CFAP44: variants seen among roughly 807,000 people sequenced by gnomAD.
CFAP44 encodes cilia- and flagella-associated protein 44.
Under a neutral mutation model 216.2 loss-of-function variants are expected in CFAP44, and 134 were observed. The ratio of observed to expected loss-of-function variants is 0.62; its 90% CI spans 0.54 to 0.72. The LOEUF is 0.72. Ranked by LOEUF, CFAP44 falls within the 30% of genes least tolerant of loss-of-function variation. CFAP44 has a pLI of 0.00. For synonymous variants in CFAP44, 700 were observed against 727.6 expected (o/e 0.96, Z 0.61); for missense variants, 2,035 against 2,182.1 (o/e 0.93, Z 1.34).
At chr3:113,379,052 A>C (rs1369987184) in intron 17 of CFAP44, among the ~76,000 whole-genome samples, 3 of 152,162 alleles carry the variant, frequency 2.0e-5, no homozygotes, top group African/African-American at 7.2e-5. Context: ...GATAATCTAT[A>C]ATCTATAGAT....
chr3:113,343,810 G>T (rs1950357054), intron 23 of CFAP44, among the ~76,000 whole-genome samples: 1 of 152,144 alleles, frequency 6.6e-6, no homozygotes, highest in Non-Finnish European at 1.5e-5. Context: ...GAAGCAAAAA[G>T]GAGACATTAA....
chr3:113,385,442 G>A (rs536482289), intron 15 of CFAP44, among the ~76,000 whole-genome samples: 3 of 152,308 alleles, frequency 2.0e-5, no homozygotes, highest in Non-Finnish European at 2.9e-5. Context: ...CTCAAAGAAA[G>A]AGAGTTTATA....
chr3:113,410,512 T>C, intron 6 of CFAP44, among the ~76,000 whole-genome samples: 1 of 152,278 alleles, frequency 6.6e-6, no homozygotes, highest in African/African-American at 2.4e-5. Context: ...TATTCCATGG[T>C]TATATGTGCC....
intron 15 of CFAP44, among the ~76,000 whole-genome samples, chr3:113,384,082 G>A (rs529565125): frequency 7.3e-5 from 11 of 151,040 alleles, no homozygotes; most frequent in Non-Finnish European, 8.8e-5. Flanking sequence ...CTTCTGAGAC[G>A]GAGTCTTGCT....
At chr3:113,316,601 G>A (rs1268276340) in intron 28 of CFAP44, among the ~76,000 whole-genome samples, 1 of 152,316 alleles carries the variant, frequency 6.6e-6, no homozygotes, top group African/African-American at 2.4e-5. Flanking sequence ...GGCTGTAGTG[G>A]CTCACGCCTG....
intron 27 of CFAP44, among the ~76,000 whole-genome samples, chr3:113,327,284 A>T (rs1338355586): frequency 6.6e-6 from 1 of 152,182 alleles, no homozygotes; most frequent in Non-Finnish European, 1.5e-5. Context: ...ACTCAATTTT[A>T]TATCATAGCT....
intron 24 of CFAP44, among the ~76,000 whole-genome samples, chr3:113,341,225 C>T (rs1278099786): frequency 6.6e-6 from 1 of 151,998 alleles, no homozygotes; most frequent in African/African-American, 2.4e-5. Flanking sequence ...CACCTAGGTC[C>T]GTGGGGATGG....
intron 26 of CFAP44, 129 bp from the exon 27 acceptor site, chr3:113,327,948 G>A: frequency 1.3e-6 from 1 of 763,398 alleles, no homozygotes; most frequent in Non-Finnish European, 2.0e-6. Context: ...TTGTGTGTGT[G>A]TGTATAGTCA....
At chr3:113,369,600 G>A (rs1040966547) in intron 18 of CFAP44, among the ~76,000 whole-genome samples, 14 of 152,186 alleles carry the variant, frequency 9.2e-5, no homozygotes, top group Admixed American at 2.6e-4. Context: ...GAAATTTATA[G>A]CACTAAATGC....
intron 15 of CFAP44, among the ~76,000 whole-genome samples, chr3:113,387,139 C>T (rs1228685476): frequency 6.6e-6 from 1 of 152,168 alleles, no homozygotes; most frequent in Non-Finnish European, 1.5e-5. Context: ...CTAGACAAGT[C>T]CTGGTGCTGT....
chr3:113,441,115 C>A (rs564691544), intron 1 of CFAP44, among the ~76,000 whole-genome samples: 3 of 152,226 alleles, frequency 2.0e-5, no homozygotes, highest in Non-Finnish European at 4.4e-5. Flanking sequence ...CAGCTGAGCG[C>A]AGGGCAGGTG....
intron 21 of CFAP44, 129 bp downstream of exon 21, chr3:113,363,016 A>G (rs1383422425): frequency 7.2e-6 from 10 of 1,385,424 alleles, no homozygotes; most frequent in African/African-American, 1.5e-5. Context: ...ATAAATGGCT[A>G]TTGAAATTTT....
At chr3:113,366,371 C>T in intron 18 of CFAP44, 62 bp from the exon 19 acceptor site, 1 of 1,541,524 alleles carries the variant, frequency 6.5e-7, no homozygotes, top group South Asian at 1.3e-5. Flanking sequence ...TTAATTTCAA[C>T]TTAATTGACA....
chr3:113,369,748 T>C (rs1001682240), intron 18 of CFAP44, among the ~76,000 whole-genome samples: 4 of 150,748 alleles, frequency 2.7e-5, no homozygotes, highest in African/African-American at 4.9e-5. Context: ...CTGAAGGAGA[T>C]AGAGACAAAA....
At chr3:113,345,404 T>C (rs1950371827) in intron 22 of CFAP44, among the ~76,000 whole-genome samples, 1 of 152,118 alleles carries the variant, frequency 6.6e-6, no homozygotes, top group Non-Finnish European at 1.5e-5. Flanking sequence ...TGTATATATA[T>C]GTGTGTGTTT....
intron 23 of CFAP44, among the ~76,000 whole-genome samples, chr3:113,342,493 A>G (rs7630301): frequency 1.3e-5 from 2 of 151,998 alleles, no homozygotes; most frequent in African/African-American, 4.8e-5. Context: ...AAGATATATA[A>G]TAAACAATTA....
At chr3:113,369,100 A>G (rs1933058490) in intron 18 of CFAP44, among the ~76,000 whole-genome samples, 1 of 152,192 alleles carries the variant, frequency 6.6e-6, no homozygotes, top group Non-Finnish European at 1.5e-5. Flanking sequence ...ATCCTTAGAA[A>G]CCTACAAAGA....
intron 6 of CFAP44, 119 bp from the exon 7 acceptor site, chr3:113,409,441 T>C: frequency 1.2e-6 from 1 of 834,296 alleles, no homozygotes; most frequent in Non-Finnish European, 1.8e-6. Flanking sequence ...AAGAATACCC[T>C]AAAGGAACAA....
At chr3:113,387,724 A>G (rs1933686847) in intron 15 of CFAP44, among the ~76,000 whole-genome samples, 2 of 152,024 alleles carry the variant, frequency 1.3e-5, no homozygotes, top group Non-Finnish European at 2.9e-5. Flanking sequence ...GGCACAGTGG[A>G]ATAGAGCACT....
Sources: gnomAD v4.1 joint callset for allele counts (sites outside exome capture counted in the v4.1 genomes callset) on GRCh38, gnomAD v4.1.1 for gene constraint, MANE v1.5 for transcripts, NCBI Gene and HGNC (gene_info 2026-07-23, HGNC 2026-07-21) for gene names.